Variants in SLC24A2 observed in about 807,000 individuals in gnomAD.
SLC24A2 encodes the protein sodium/potassium/calcium exchanger 2.
SLC24A2 carries 36 observed loss-of-function variants against 62.0 expected under a neutral mutation model. The ratio of observed to expected loss-of-function variants is 0.58; its 90% confidence interval spans 0.44 to 0.77. The LOEUF is 0.77. Among genes scored for constraint, SLC24A2 ranks in the 30% least tolerant of loss-of-function variants. The pLI is 0.00. For synonymous variants in SLC24A2, 358 were observed against 294.0 expected (o/e 1.22, Z -2.23); for missense variants, 846 against 817.9 (o/e 1.03, Z -0.42).
intron 2 of SLC24A2, among the ~76,000 whole-genome samples, chr9:19,733,614 G>A (rs1821405037): frequency 6.6e-6 from 1 of 152,172 alleles, no homozygotes; most frequent in Admixed American, 6.5e-5. Flanking sequence ...GAGGAAATCT[G>A]CCCACTTAGT....
At chr9:20,034,492 C>T in the SLC24A2 span, among the ~76,000 whole-genome samples, 2 of 117,844 alleles carry the variant, frequency 1.7e-5, no homozygotes, top group East Asian at 5.6e-4. Flanking sequence ...CGGAGTCTCT[C>T]TCTGTCGCCC....
chr9:19,873,881 A>G, the SLC24A2 span, among the ~76,000 whole-genome samples: 1 of 152,130 alleles, frequency 6.6e-6, no homozygotes, highest in Non-Finnish European at 1.5e-5. Flanking sequence ...AGCCATCAAA[A>G]TCCCAGTTTC....
chr9:20,080,055 G>C, the SLC24A2 span, among the ~76,000 whole-genome samples: 1 of 152,132 alleles, frequency 6.6e-6, no homozygotes, highest in Non-Finnish European at 1.5e-5. Flanking sequence ...TACTGCCCAA[G>C]GTAATTTATA....
At chr9:20,286,777 CA>C in the SLC24A2 span, among the ~76,000 whole-genome samples, 1 of 152,134 alleles carries the variant, frequency 6.6e-6, no homozygotes, top group Non-Finnish European at 1.5e-5. Context: ...ACAGCAGGCA[CA>C]AAACAGGACT....
chr9:19,994,291 C>A, the SLC24A2 span, among the ~76,000 whole-genome samples: 1 of 152,032 alleles, frequency 6.6e-6, no homozygotes, highest in African/African-American at 2.4e-5. Context: ...TGGCAAAAAA[C>A]AAAAACAAAA....
the SLC24A2 span, among the ~76,000 whole-genome samples, chr9:20,013,048 A>C: frequency 6.6e-6 from 1 of 152,210 alleles, no homozygotes; most frequent in African/African-American, 2.4e-5. Flanking sequence ...GAAATGGAAA[A>C]AACAATTCTA....
the SLC24A2 span, among the ~76,000 whole-genome samples, chr9:20,138,872 C>A: frequency 6.6e-6 from 1 of 152,202 alleles, no homozygotes; most frequent in Admixed American, 6.5e-5. Context: ...ATTTCGCTCC[C>A]AGGCGAAGGC....
the SLC24A2 span, among the ~76,000 whole-genome samples, chr9:20,276,737 C>A: frequency 6.6e-6 from 1 of 152,348 alleles, no homozygotes; most frequent in East Asian, 1.9e-4. Context: ...TCCATACATC[C>A]TCTGAAATCT....
chr9:20,073,919 G>GATATATATATATATATATATATAT, the SLC24A2 span, among the ~76,000 whole-genome samples: 12 of 140,784 alleles, frequency 8.5e-5, no homozygotes, highest in African/African-American at 2.9e-4. Context: ...CTTGTGGGGA[G>GATATATATATATATATATATATAT]ATATATATAT....
the SLC24A2 span, among the ~76,000 whole-genome samples, chr9:19,977,879 G>C: frequency 1.3e-5 from 2 of 151,860 alleles, no homozygotes; most frequent in South Asian, 4.2e-4. Flanking sequence ...CAGAATAGTC[G>C]TATGCCCTAA....
chr9:19,990,941 G>A, the SLC24A2 span, among the ~76,000 whole-genome samples: 2,482 of 39,776 alleles, frequency 0.062, 162 homozygotes, highest in African/African-American at 0.17. Flanking sequence ...ATATATGTAT[G>A]TATATGTATG....
the SLC24A2 span, among the ~76,000 whole-genome samples, chr9:20,253,410 T>A: frequency 6.6e-6 from 1 of 152,210 alleles, no homozygotes; most frequent in African/African-American, 2.4e-5. Flanking sequence ...CCTTGTAATT[T>A]GGCATTACTT....
At chr9:19,759,024 ATTGAT>A (rs905273158) in intron 2 of SLC24A2, among the ~76,000 whole-genome samples, 5 of 152,192 alleles carry the variant, frequency 3.3e-5, no homozygotes, top group Admixed American at 3.3e-4. Flanking sequence ...TATGCAGCCT[ATTGAT>A]TTATGTGAAG....
chr9:20,274,690 G>C, the SLC24A2 span, among the ~76,000 whole-genome samples: 3 of 152,148 alleles, frequency 2.0e-5, no homozygotes, highest in South Asian at 4.2e-4. Context: ...CTTGTGCCTG[G>C]GCTATCTTCA....
intron 6 of SLC24A2, 23 bp from the exon 7 acceptor site, chr9:19,573,492 AC>A (rs1835906208): frequency 1.2e-4 from 2 of 16,550 alleles, no homozygotes; most frequent in African/African-American, 7.8e-4. Context: ...TTAAACACAC[AC>A]ACACACACAC....
chr9:19,874,007 C>T, the SLC24A2 span, among the ~76,000 whole-genome samples: 3 of 151,822 alleles, frequency 2.0e-5, no homozygotes, highest in Non-Finnish European at 4.4e-5. Flanking sequence ...CTGAAAACTA[C>T]AGATTTCAAT....
the SLC24A2 span, among the ~76,000 whole-genome samples, chr9:20,058,492 T>TACACACAC: frequency 0.07 from 10,304 of 147,794 alleles, 376 homozygotes; most frequent in East Asian, 0.16. Flanking sequence ...ATGCCCTTCA[T>TACACACAC]ACACACACAC....
chr9:19,770,709 A>T (rs1274227528), intron 2 of SLC24A2, among the ~76,000 whole-genome samples: 1 of 152,228 alleles, frequency 6.6e-6, no homozygotes, highest in Non-Finnish European at 1.5e-5. Context: ...ATATTTTGAG[A>T]TAGGTTTATA....
At chr9:19,728,432 C>T (rs2118692923) in intron 2 of SLC24A2, among the ~76,000 whole-genome samples, 1 of 152,152 alleles carries the variant, frequency 6.6e-6, no homozygotes, top group East Asian at 1.9e-4. Context: ...TTTTAATATA[C>T]CGAGTATTAG....
Sources: gnomAD v4.1 joint callset for allele counts (sites outside exome capture counted in the v4.1 genomes callset) on GRCh38, gnomAD v4.1.1 for gene constraint, MANE v1.5 for transcripts, NCBI Gene and HGNC (gene_info 2026-07-23, HGNC 2026-07-21) for gene names.